The following DAG1 variants were observed in gnomAD, a reference collection of about 807,000 sequenced individuals.
The protein encoded by DAG1 is dystroglycan 1 (dystrophin-associated glycoprotein 1).
DAG1 carries 8 observed loss-of-function variants against 46.1 expected under a neutral mutation model. The observed-to-expected ratio is 0.17, with a 90% CI of 0.10 to 0.31. The LOEUF (loss-of-function observed/expected upper bound fraction) is 0.31, where lower values mean the gene tolerates loss of function less well. Ranked by LOEUF, DAG1 falls within the 10% of genes least tolerant of loss-of-function variation. The pLI is 1.00. For missense variants in DAG1, 1,003 were observed against 1,189.9 expected, an observed-to-expected ratio of 0.84 and a Z score of 2.31; for synonymous variants, 495 against 481.8, an observed-to-expected ratio of 1.03 and a Z score of -0.36.
At chr3:49,491,964 T>G (rs2050201278) in intron 1 of DAG1, among the ~76,000 whole-genome samples, 1 of 151,398 alleles carries the variant, frequency 6.6e-6, no homozygotes, top group Admixed American at 6.6e-5. Context: ...TCTCACTTTG[T>G]TGCCCAGGCT....
At chr3:49,523,830 C>A (rs2107802236) in intron 2 of DAG1, among the ~76,000 whole-genome samples, 1 of 152,278 alleles carries the variant, frequency 6.6e-6, no homozygotes, top group East Asian at 1.9e-4. Context: ...GGGATTGTTT[C>A]CCTGATTTTA....
rs1028802895 is a variant in DAG1 at position 49,473,947 on chromosome 3, G to C, written c.-117+3514G>C. 6.6e-5 allele frequency among the ~76,000 whole-genome samples: 10 copies of C among 151,708 alleles called. 1 individual carries two copies. In the South Asian group the frequency reaches 2.1e-3, roughly 32 times the overall value. Reference sequence around the variant, plus strand: ...TATCCAGGCTGGAGTGCAGTGGTGGGATCTTGGCTCACTGCAGCCTCGACC... The same window carrying C: ...TATCCAGGCTGGAGTGCAGTGGTGGCATCTTGGCTCACTGCAGCCTCGACC... On this transcript the variant is annotated intron_variant, in intron 1 of 2. Coordinates refer to ENST00000308775, the MANE Select transcript of DAG1 (RefSeq NM_004393.6).
At chr3:49,490,841 A>T (rs1215879158) in intron 1 of DAG1, among the ~76,000 whole-genome samples, 1 of 141,640 alleles carries the variant, frequency 7.1e-6, no homozygotes, top group Non-Finnish European at 1.5e-5. Flanking sequence ...AAGTGCTGGG[A>T]TTACAGACAT....
intron 1 of DAG1, among the ~76,000 whole-genome samples, chr3:49,502,948 A>G (rs1201805748): frequency 6.6e-6 from 1 of 151,990 alleles, no homozygotes; most frequent in African/African-American, 2.4e-5. Flanking sequence ...GCACTTTCTG[A>G]GATTTACGCA....
chr3:49,498,719 ATT>A (rs879583469), intron 1 of DAG1, among the ~76,000 whole-genome samples: 1 of 144,976 alleles, frequency 6.9e-6, no homozygotes, highest in Admixed American at 6.9e-5. Context: ...TTATTAATTA[ATT>A]TTTTTTTTTT....
chr3:49,531,634 G>A lies in DAG1; in HGVS notation c.1123G>A (p.Ala375Thr), dbSNP rs759914235. Residue 375 changes from alanine (A) to threonine (T), a missense_variant, in exon 3 of 3, where the codon GCC (alanine) becomes ACC (threonine). Coordinates refer to ENST00000308775, the MANE Select transcript of DAG1 (RefSeq NM_004393.6). This position sits in a 1 kb window ranked among gnomAD's most constrained non-coding sequence, Gnocchi z 7.0. Reference protein sequence around the residue: ...KPTVTIRTRGAIIQTPTLGPI... With the variant: ...KPTVTIRTRGTIIQTPTLGPI... ...CACGGTCACCATCCGGACTCGAGGC[G>A]CCATTATTCAAACCCCAACCCTAGG... 17 of 1,612,412 alleles carry A rather than the reference G, an allele frequency of 1.1e-5. No individual in the cohort carries two copies. The highest frequency in any genetic ancestry group is 2.2e-5 in the East Asian group (1 of 44,826).
At chr3:49,473,299 C>T (rs1237686317) in intron 1 of DAG1, among the ~76,000 whole-genome samples, 1 of 150,260 alleles carries the variant, frequency 6.7e-6, no homozygotes, top group Non-Finnish European at 1.5e-5. Flanking sequence ...CCTGTAGTCC[C>T]AGCTACTCAT....
At chr3:49,488,878 AAAG>A (rs1192684904) in intron 1 of DAG1, 2 of 151,808 alleles carry the variant, frequency 1.3e-5, no homozygotes, top group Admixed American at 6.6e-5. Context: ...GCCCGGCAAA[AAAG>A]GAACAGTTTT....
intron 1 of DAG1, among the ~76,000 whole-genome samples, chr3:49,487,924 G>C (rs1015584418): frequency 6.6e-6 from 1 of 151,722 alleles, no homozygotes; most frequent in Non-Finnish European, 1.5e-5. Context: ...GGATGGTCTC[G>C]ATCTCCTGAC....
At chr3:49,472,451 A>T (rs1231764168) in intron 1 of DAG1, among the ~76,000 whole-genome samples, 1 of 151,994 alleles carries the variant, frequency 6.6e-6, no homozygotes, top group Non-Finnish European at 1.5e-5. Flanking sequence ...ATTTGGAGGG[A>T]CCACTTAGGG....
rs780767804 is a variant in DAG1 at position 49,531,825 on chromosome 3, A to G, written c.1314A>G (p.Ser438=). The G allele has an allele frequency of 6.2e-7, 1 of 1,613,602 alleles. No individual in the cohort carries two copies. Among genetic ancestry groups the G allele is most frequent in the Non-Finnish European group, 8.5e-7 (1 of 1,179,934 alleles). Residue 438 remains serine (S), a synonymous_variant, in exon 3 of 3, where the codon TCA becomes TCG. Coordinates refer to ENST00000308775, the MANE Select transcript of DAG1 (RefSeq NM_004393.6). This position sits in a 1 kb window ranked among gnomAD's most constrained non-coding sequence, Gnocchi z 7.0. The stretch of plus-strand genomic sequence containing the variant: ...CCACACCAAAACCAGCAACGCCTTC[A>G]ACTGACTCCACCACCACCACGACTC... ...RVSTPKPATP[S]TDSTTTTTRR...
intron 1 of DAG1, among the ~76,000 whole-genome samples, chr3:49,478,667 G>A (rs1472888827): frequency 6.6e-6 from 1 of 150,816 alleles, no homozygotes. Context: ...GTGAGCCACT[G>A]GGCCTTAGCC....
intron 1 of DAG1, among the ~76,000 whole-genome samples, chr3:49,500,891 C>A (rs1243693722): frequency 6.6e-6 from 1 of 152,136 alleles, no homozygotes; most frequent in Non-Finnish European, 1.5e-5. Context: ...ATCTGAATGA[C>A]TGAGTGTATG....
chr3:49,521,944 G>A (rs1301331760), intron 2 of DAG1, among the ~76,000 whole-genome samples: 2 of 152,150 alleles, frequency 1.3e-5, no homozygotes, highest in African/African-American at 4.8e-5. Context: ...CCACCTCCCG[G>A]GTTCAAGCAA....
chr3:49,528,590 G>T (rs1228863332), intron 2 of DAG1, among the ~76,000 whole-genome samples: 1 of 151,766 alleles, frequency 6.6e-6, no homozygotes, highest in African/African-American at 2.4e-5. Flanking sequence ...CAGCCAATAA[G>T]TGTGATTTTT....
In DAG1 at chr3:49,533,063, C is replaced by T. The variant is rs977000024; in HGVS notation, c.2552C>T (p.Thr851Met). ...AACCAGGACACCATGGGAGAGTACA[C>T]GCCCCTGCGGGATGAGGATCCCAAT... is the stretch of plus-strand genomic sequence containing the variant. Reference protein sequence around the residue: ...PLNQDTMGEYTPLRDEDPNAP... With the variant: ...PLNQDTMGEYMPLRDEDPNAP... The change falls in exon 3 of 3, where the codon ACG (threonine) becomes ATG (methionine). Residue 851 changes from threonine (T) to methionine (M), a missense_variant. Coordinates refer to ENST00000308775, the MANE Select transcript of DAG1 (RefSeq NM_004393.6). 2.3e-5 allele frequency: 37 copies of T among 1,614,056 alleles called. No individual in the cohort carries two copies. The highest frequency in any genetic ancestry group is 2.3e-5 in the Non-Finnish European group (27 of 1,180,034).
At chr3:49,516,790 T>C (rs1229066604) in intron 2 of DAG1, among the ~76,000 whole-genome samples, 1 of 152,160 alleles carries the variant, frequency 6.6e-6, no homozygotes, top group Non-Finnish European at 1.5e-5. Flanking sequence ...GCCTGATTCC[T>C]TTTTGTGGTG....
chr3:49,515,657 A>T (rs899626595), intron 2 of DAG1, among the ~76,000 whole-genome samples: 1 of 152,066 alleles, frequency 6.6e-6, no homozygotes, highest in African/African-American at 2.4e-5. Context: ...AAGTGCTAGG[A>T]TTACAGACAT....
chr3:49,494,379 G>T (rs1408552335), intron 1 of DAG1, among the ~76,000 whole-genome samples: 1 of 152,128 alleles, frequency 6.6e-6, no homozygotes, highest in East Asian at 1.9e-4. Context: ...GGGCTGGGTT[G>T]CCTGGAGCTT....
Sources: allele counts gnomAD v4.1 joint callset (sites outside exome capture counted in the v4.1 genomes callset), GRCh38; gene constraint gnomAD v4.1.1; non-coding constraint Gnocchi (gnomAD v3.1); transcripts MANE v1.5; gene names NCBI Gene and HGNC (gene_info 2026-07-23, HGNC 2026-07-21).